ZNF345: variants seen among roughly 807,000 people sequenced by gnomAD.
ZNF345 encodes the protein zinc finger protein HZF10.
For missense variants in ZNF345, 527 were observed against 589.9 expected (o/e 0.89, Z 1.10); for synonymous variants, 166 against 187.9 (o/e 0.88, Z 0.95).
At chr19:36,854,437 A>G (rs989700369) in intron 2 of ZNF345, 1 of 152,064 alleles carries the variant, frequency 6.6e-6, no homozygotes. Context: ...AATGCACCTT[A>G]TTCTTTCCTC....
chr19:36,891,462 G>T (rs757836509), intron 3 of ZNF345: 35 of 1,510,194 alleles, frequency 2.3e-5, no homozygotes, highest in Non-Finnish European at 3.0e-5. Flanking sequence ...TATTATAAAG[G>T]TTAACAAAAT....
chr19:36,891,448 A>T, intron 3 of ZNF345: 1 of 1,498,788 alleles, frequency 6.7e-7, no homozygotes, highest in Non-Finnish European at 8.9e-7. Context: ...TGTTTTAAAA[A>T]AATTATTATA....
intron 2 of ZNF345, among the ~76,000 whole-genome samples, chr19:36,873,823 A>G (rs2072820901): frequency 6.6e-6 from 1 of 151,860 alleles, no homozygotes; most frequent in Non-Finnish European, 1.5e-5. Flanking sequence ...TTTCTTTTCA[A>G]TGGTGAATAA....
At chr19:36,889,508 G>A (rs1162731894) in intron 3 of ZNF345, 1 of 151,940 alleles carries the variant, frequency 6.6e-6, no homozygotes, top group Non-Finnish European at 1.5e-5. Context: ...ATTTCTCCCT[G>A]GTTCAATCTT....
rs1461965575 is a variant in ZNF345, at chr19:36,877,647, C to G, written c.817C>G (p.Leu273Val). 1 of 1,614,048 alleles carries G rather than the reference C, an allele frequency of 6.2e-7. No individual in the cohort carries two copies. Among genetic ancestry groups the G allele is most frequent in the Non-Finnish European group, 8.5e-7 (1 of 1,180,000 alleles). ...CGKAFSFGSALTRHQRIHTGE... is the reference protein window; with the variant it reads ...CGKAFSFGSAVTRHQRIHTGE... ...TAAGGCCTTTAGTTTTGGATCAGCC[C>G]TTACTCGACATCAAAGAATTCATAC... The change falls in exon 3 of 3, where the codon CTT becomes GTT. Residue 273 changes from leucine (L) to valine (V), a missense_variant. Transcript: ENST00000420450.
At chr19:36,884,754 C>T (rs2072987290) in intron 3 of ZNF345, among the ~76,000 whole-genome samples, 1 of 152,158 alleles carries the variant, frequency 6.6e-6, no homozygotes. Flanking sequence ...AGCACCCAGC[C>T]AAACCAAGAC....
intron 3 of ZNF345, chr19:36,891,561 A>G (rs751222241): frequency 3.1e-6 from 5 of 1,610,812 alleles, no homozygotes; most frequent in Non-Finnish European, 3.4e-6. Context: ...CACATTCCTT[A>G]CAGTCATAGG....
intron 3 of ZNF345, chr19:36,891,319 A>C (rs944653911): frequency 1.7e-6 from 1 of 602,078 alleles, no homozygotes; most frequent in African/African-American, 1.9e-5. Context: ...TGAGAGAATA[A>C]ATTTCTCTTG....
chr19:36,857,554 C>T (rs1166510689), intron 2 of ZNF345, among the ~76,000 whole-genome samples: 1 of 152,168 alleles, frequency 6.6e-6, no homozygotes, highest in East Asian at 1.9e-4. Flanking sequence ...GGTGATCCAC[C>T]CGCCTCAGCC....
At chr19:36,862,139 G>A (rs1257451249) in intron 2 of ZNF345, among the ~76,000 whole-genome samples, 6 of 152,108 alleles carry the variant, frequency 3.9e-5, no homozygotes, top group African/African-American at 7.2e-5. Context: ...GGGATTACAG[G>A]CATGAGCCAC....
chr19:36,876,023 A>T (rs2072875369), intron 2 of ZNF345, among the ~76,000 whole-genome samples: 1 of 152,154 alleles, frequency 6.6e-6, no homozygotes. Flanking sequence ...GTAGTATCAC[A>T]TTGCCTCCTG....
At chr19:36,852,340 C>T (rs963570346) in intron 2 of ZNF345, among the ~76,000 whole-genome samples, 5 of 151,870 alleles carry the variant, frequency 3.3e-5, no homozygotes, top group Non-Finnish European at 5.9e-5. Flanking sequence ...TGGCTGGATG[C>T]AGTGGCTCAT....
rs1163426000 is a variant in ZNF345 at position 36,892,326 on chromosome 19, T to A, written c.47-492T>A. The A allele has an allele frequency of 1.1e-5, 18 of 1,613,848 alleles. No homozygotes were observed. In the East Asian group the frequency reaches 3.8e-4, roughly 34 times the overall value. On this transcript the variant is annotated intron_variant, in intron 3 of 3. Transcript: ENST00000526123. ...TCTTTCCACATATCTTACATTCCCATGGTTTCTCTTCACTCATAGTTTTTT... is the reference window on the plus strand; with the variant it reads ...TCTTTCCACATATCTTACATTCCCAAGGTTTCTCTTCACTCATAGTTTTTT...
intron 3 of ZNF345, chr19:36,892,201 G>A: frequency 1.2e-6 from 2 of 1,614,162 alleles, no homozygotes; most frequent in Non-Finnish European, 1.7e-6. Context: ...AGTAACGAGT[G>A]AGCCACGACT....
At chr19:36,891,566 C>G in intron 3 of ZNF345, 1 of 1,612,522 alleles carries the variant, frequency 6.2e-7, no homozygotes, top group Non-Finnish European at 8.5e-7. Flanking sequence ...TCCTTACAGT[C>G]ATAGGGTTTC....
chr19:36,860,118 C>T (rs908130167), intron 2 of ZNF345, among the ~76,000 whole-genome samples: 2 of 152,006 alleles, frequency 1.3e-5, no homozygotes, highest in African/African-American at 2.4e-5. Context: ...CCACCACACC[C>T]GGCTAATTTT....
chr19:36,855,436 C>CCGAG (rs1022676987), intron 2 of ZNF345, among the ~76,000 whole-genome samples: 1 of 148,992 alleles, frequency 6.7e-6, no homozygotes, highest in Non-Finnish European at 1.5e-5. Flanking sequence ...GCGTGAGCCA[C>CCGAG]CGAGCCTGGC....
At chr19:36,880,571 T>C (rs1282873804), downstream of ZNF345, among the ~76,000 whole-genome samples, 1 of 151,926 alleles carries the variant, frequency 6.6e-6, no homozygotes, top group Non-Finnish European at 1.5e-5. Flanking sequence ...GGAGGATTGC[T>C]GGAAGCCTGG....
intron 2 of ZNF345, among the ~76,000 whole-genome samples, chr19:36,859,495 T>G (rs1325832402): frequency 6.6e-6 from 1 of 151,962 alleles, no homozygotes; most frequent in Non-Finnish European, 1.5e-5. Flanking sequence ...TCTTTTGTTT[T>G]TTTTTTTAAT....
Sources: allele counts gnomAD v4.1 joint callset (sites outside exome capture counted in the v4.1 genomes callset), GRCh38; gene constraint gnomAD v4.1.1; transcripts MANE v1.5; gene names NCBI Gene and HGNC (gene_info 2026-07-23, HGNC 2026-07-21).